Variants in AZGP1 observed in about 807,000 individuals in gnomAD.
The protein encoded by AZGP1 is alpha-2-glycoprotein 1, zinc-binding.
A neutral mutation model predicts 31.5 loss-of-function variants in AZGP1; 28 were observed. That is an observed-to-expected ratio of 0.89 (90% CI 0.66 to 1.22). The LOEUF (loss-of-function observed/expected upper bound fraction) is 1.22. Among genes scored for constraint, AZGP1 ranks in the 50% most tolerant of loss-of-function variants. The pLI, the probability that AZGP1 is intolerant of heterozygous loss-of-function variation, is 0.00. For synonymous variants in AZGP1, 135 were observed against 145.4 expected, an observed-to-expected ratio of 0.93 and a Z score of 0.51; for missense variants, 361 against 371.8, an observed-to-expected ratio of 0.97 and a Z score of 0.24.
At chr7:99,969,756 G>T (rs1240266754) in intron 2 of AZGP1, among the ~76,000 whole-genome samples, 3 of 152,120 alleles carry the variant, frequency 2.0e-5, no homozygotes, top group Non-Finnish European at 4.4e-5. Flanking sequence ...GTAAAGGAAG[G>T]CTCTCTTTTT....
chr7:99,969,408 TA>T (rs3033213), intron 2 of AZGP1, among the ~76,000 whole-genome samples: 14 of 141,358 alleles, frequency 9.9e-5, no homozygotes, highest in Middle Eastern at 3.5e-3. Flanking sequence ...GACTCAGTCT[TA>T]AAAAAAAAAA....
intron 2 of AZGP1, among the ~76,000 whole-genome samples, chr7:99,970,107 A>G (rs1315765781): frequency 6.7e-6 from 1 of 149,896 alleles, no homozygotes; most frequent in Non-Finnish European, 1.5e-5. Flanking sequence ...CTGTGCCTCT[A>G]TTTCCTCACC....
intron 3 of AZGP1, 103 bp from the exon 4 acceptor site, chr7:99,967,389 GA>G: frequency 3.7e-6 from 5 of 1,334,616 alleles, no homozygotes; most frequent in Non-Finnish European, 5.1e-6. Context: ...AGCAGAGCTC[GA>G]AGCTCTGTAC....
chr7:99,969,850 C>T lies in AZGP1; in HGVS notation c.338-1420G>A, dbSNP rs183049437. Among the ~76,000 whole-genome samples, 452 of 152,310 alleles carry T rather than the reference C, an allele frequency of 3.0e-3. 1 individual carries two copies. Among genetic ancestry groups the T allele is most frequent in the African/African-American group, 0.01 (427 of 41,568 alleles). The stretch of plus-strand genomic sequence containing the variant: ...TTTCTACCTTTCTGGTGTTTGATAT[C>T]TTTATCCCAAATCTCTAAAGCCCCA... On this transcript the variant is annotated intron_variant, in intron 2 of 3. Transcript: ENST00000292401.
chr7:99,967,336 G>C (rs772061338), intron 3 of AZGP1, 50 bp from the exon 4 acceptor site: 1 of 1,575,626 alleles, frequency 6.3e-7, no homozygotes, highest in East Asian at 2.2e-5. Context: ...GACTTCTCCC[G>C]GCCCAGGTCT....
Position 99,968,962 on chromosome 7 carries a change from C to CAAAAAAAAAAAAAAAA in AZGP1, c.338-548_338-533dup, listed in dbSNP as rs869115613. Among the ~76,000 whole-genome samples the CAAAAAAAAAAAAAAAA allele has an allele frequency of 8.6e-4, 23 of 26,700 alleles. 7 individuals carry two copies. The highest frequency in any genetic ancestry group is 1.1e-3 in the Non-Finnish European group (18 of 16,388). 17.5% of individuals were successfully genotyped at this position (26,700 alleles called of 152,430 possible). On this transcript the variant is annotated intron_variant, in intron 2 of 3. Transcript: ENST00000292401. ...TGGGTGACAGAGTGAGACCCTATCT[C>CAAAAAAAAAAAAAAAA]AAAAAAAAAAAAAAAAAAAAAAAAA...
At chr7:99,971,296 C>T (rs936468655) in intron 2 of AZGP1, among the ~76,000 whole-genome samples, 13 of 152,204 alleles carry the variant, frequency 8.5e-5, no homozygotes, top group Admixed American at 3.9e-4. Flanking sequence ...TTGCAGATTT[C>T]AACCAGATAT....
At position 99,971,873 on chromosome 7, in the gene AZGP1, G is replaced by T. The variant is rs1282479766; in HGVS notation, c.210C>A (p.Pro70=). 9.3e-6 allele frequency: 15 copies of T among 1,614,064 alleles called. No individual in the cohort carries two copies. The highest frequency in any genetic ancestry group is 1.3e-5 in the African/African-American group (1 of 74,906). The change falls in exon 2 of 4, where the codon CCC becomes CCA. Residue 70 remains proline, a synonymous_variant. Coordinates refer to ENST00000292401, the MANE Select transcript of AZGP1 (RefSeq NM_001185.4). ...CTTCCACCTGTCTCCAGAGTCCCAT[G>T]GGCTGAGACTTCCTGTCTTTACTGT... is the stretch of plus-strand genomic sequence containing the variant. ...RYNSKDRKSQ[P]MGLWRQVEGM...
intron 3 of AZGP1, 75 bp from the exon 4 acceptor site, chr7:99,967,361 C>A: frequency 6.7e-7 from 1 of 1,493,362 alleles, no homozygotes; most frequent in Non-Finnish European, 9.1e-7. Flanking sequence ...CTACCCCCAC[C>A]CCTGGATGTC....
At chr7:99,970,129 A>T (rs1002356146) in intron 2 of AZGP1, among the ~76,000 whole-genome samples, 1 of 151,814 alleles carries the variant, frequency 6.6e-6, no homozygotes, top group Non-Finnish European at 1.5e-5. Context: ...CTGAAATGGC[A>T]ATGCCAAGAG....
chr7:99,968,160 C>T lies in AZGP1; in HGVS notation c.608G>A (p.Arg203Gln), dbSNP rs140596787. The T allele has an allele frequency of 2.4e-4, 393 of 1,613,788 alleles. No individual in the cohort carries two copies. In the East Asian group the frequency reaches 4.6e-3, roughly 19 times the overall value. ...YLKYSKNILD[R>Q]QDPPSVVVTS... Reference sequence around the variant, plus strand: ...GAGCAGGAAGCAGTGAGTACCTTGCCGGTCCAGGATATTTTTGCTGTATTT... The same window carrying T: ...GAGCAGGAAGCAGTGAGTACCTTGCTGGTCCAGGATATTTTTGCTGTATTT... Residue 203 changes from arginine to glutamine, a missense_variant, in exon 3 of 4, where the codon CGG becomes CAG. Arg to Gln is a conservative substitution (Grantham distance 43). Coordinates refer to ENST00000292401, the MANE Select transcript of AZGP1 (RefSeq NM_001185.4).
intron 2 of AZGP1, among the ~76,000 whole-genome samples, chr7:99,968,984 A>AAAAAAAAAAAAAAAAAC (rs1789538291): frequency 6.8e-6 from 1 of 147,986 alleles, no homozygotes; most frequent in Non-Finnish European, 1.5e-5. Context: ...AAAAAAAAAA[A>AAAAAAAAAAAAAAAAAC]AAAAAAGCAC....
chr7:99,974,308 C>T (rs1397678659), intron 1 of AZGP1, among the ~76,000 whole-genome samples: 3 of 151,754 alleles, frequency 2.0e-5, no homozygotes, highest in Non-Finnish European at 4.4e-5. Context: ...AAAAGAGAGG[C>T]CAGGCGCAGT....
chr7:99,968,004 C>A, intron 3 of AZGP1, 151 bp downstream of exon 3: 1 of 1,084,986 alleles, frequency 9.2e-7, no homozygotes, highest in Non-Finnish European at 1.3e-6. Context: ...TATATTATCC[C>A]AGGGAAGGAA....
intron 2 of AZGP1, 38 bp from the exon 3 acceptor site, chr7:99,968,468 C>T: frequency 6.3e-7 from 1 of 1,595,150 alleles, no homozygotes; most frequent in Non-Finnish European, 8.5e-7. Flanking sequence ...GACAGTCAGC[C>T]TGGTGAGAAA....
Position 99,968,239 on chromosome 7 carries a change from G to C in AZGP1, c.529C>G (p.Arg177Gly), listed in dbSNP as rs376765198. The C allele has an allele frequency of 6.2e-7, 1 of 1,613,690 alleles. No homozygotes were observed. The highest frequency in any genetic ancestry group is 1.3e-5 in the African/African-American group (1 of 74,790). Reference sequence around the variant, plus strand: ...TCCTCCTCCAGGTAAGCCTTGGCCCGCTGCACGTAGACTGGTTCTGCCTCC... The same window carrying C: ...TCCTCCTCCAGGTAAGCCTTGGCCCCCTGCACGTAGACTGGTTCTGCCTCC... ...KWEAEPVYVQ[R>G]AKAYLEEECP... The change falls in exon 3 of 4, where the codon CGG becomes GGG. Residue 177 changes from arginine (R) to glycine (G), a missense_variant. Coordinates refer to ENST00000292401, the MANE Select transcript of AZGP1 (RefSeq NM_001185.4).
At chr7:99,967,924 A>G (rs1271942750) in intron 3 of AZGP1, 3 of 643,648 alleles carry the variant, frequency 4.7e-6, no homozygotes, top group East Asian at 5.4e-5. Context: ...GGGGACACTC[A>G]TCAAGAAAGA....
At chr7:99,969,877 C>T (rs933898384) in intron 2 of AZGP1, among the ~76,000 whole-genome samples, 10 of 152,234 alleles carry the variant, frequency 6.6e-5, no homozygotes, top group Non-Finnish European at 1.3e-4. Context: ...AAAGCCCCAA[C>T]CTTCTTGCCC....
In AZGP1 at chr7:99,966,907, A is replaced by T. The variant is rs1789487565; in HGVS notation, c.*96T>A. 12 of 1,496,364 alleles carry T rather than the reference A, an allele frequency of 8.0e-6. No homozygotes were observed. Among genetic ancestry groups the T allele is most frequent in the Non-Finnish European group, 1.1e-5 (12 of 1,104,144 alleles). The allele number at this position is 1,496,364 out of a possible 1,614,324, so 92.7% of individuals were successfully genotyped here. ...CCACACTGCTCCTCAGGCCTTGTGG[A>T]TCCATTGACTGTGATTTCTGTGGTT... On this transcript the variant is annotated 3_prime_UTR_variant, in exon 4 of 4. Transcript: ENST00000292401.
Sources: allele counts gnomAD v4.1 joint callset (sites outside exome capture counted in the v4.1 genomes callset), GRCh38; gene constraint gnomAD v4.1.1; transcripts MANE v1.5; gene names NCBI Gene and HGNC (gene_info 2026-07-23, HGNC 2026-07-21).